Variants in CERS3 observed in about 807,000 individuals in gnomAD.
CERS3 encodes ceramide synthase 3, also known as LAG1 homolog, ceramide synthase 3.
A neutral mutation model predicts 50.3 loss-of-function variants in CERS3; 33 were observed. The observed-to-expected ratio is 0.66, with a 90% CI of 0.50 to 0.88. The LOEUF (loss-of-function observed/expected upper bound fraction) is 0.88, where lower values mean the gene tolerates loss of function less well. Among genes scored for constraint, CERS3 ranks in the 40% least tolerant of loss-of-function variants. CERS3 has a pLI of 0.00. For synonymous variants in CERS3, 176 were observed against 155.2 expected (o/e 1.13, Z -0.99); for missense variants, 470 against 460.3 (o/e 1.02, Z -0.19).
rs575317933 is a variant in CERS3 at position 100,492,958 on chromosome 15, T to TA, written c.174-2028dup. ...AATATCAAATTAATTTCAATAGGGT[T>TA]AAAAAACTCCATTCCCCGTCCCCTT... On this transcript the variant is annotated intron_variant, in intron 3 of 11. Transcript: ENST00000679737. Among the ~76,000 whole-genome samples the TA allele has an allele frequency of 2.1e-3, 326 of 152,306 alleles. 1 individual carries two copies. The highest frequency in any genetic ancestry group is 3.7e-3 in the Non-Finnish European group (255 of 68,010).
chr15:100,415,791 G>A (rs926262552), intron 11 of CERS3, among the ~76,000 whole-genome samples: 4 of 103,568 alleles, frequency 3.9e-5, no homozygotes, highest in African/African-American at 1.4e-4. Flanking sequence ...GGCCTGTCGG[G>A]GGGCAGGGAG....
At chr15:100,460,988 A>G (rs2034530953) in intron 10 of CERS3, among the ~76,000 whole-genome samples, 2 of 152,190 alleles carry the variant, frequency 1.3e-5, no homozygotes. Flanking sequence ...AGTGTGGCTT[A>G]AAGGAGAGGA....
intron 5 of CERS3, among the ~76,000 whole-genome samples, chr15:100,483,787 A>ATTATTATTATTTTTTTT (rs760594142): frequency 8.0e-4 from 80 of 100,018 alleles, no homozygotes; most frequent in African/African-American, 1.8e-3. Context: ...TATTATTATT[A>ATTATTATTATTTTTTTT]TTTTTTTTTT....
intron 2 of CERS3, among the ~76,000 whole-genome samples, chr15:100,503,157 T>C (rs72759163): frequency 0.052 from 7,988 of 152,274 alleles, 292 homozygotes; most frequent in Admixed American, 0.11. Flanking sequence ...TGTCCTCAGA[T>C]TCACAACAAG....
At chr15:100,446,667 G>A (rs911593585) in intron 11 of CERS3, among the ~76,000 whole-genome samples, 5 of 152,148 alleles carry the variant, frequency 3.3e-5, no homozygotes, top group Non-Finnish European at 5.9e-5. Context: ...ACACCTAAAT[G>A]TGAGCCAGCT....
At chr15:100,464,151 T>A (rs755997348) in intron 10 of CERS3, among the ~76,000 whole-genome samples, 26 of 152,098 alleles carry the variant, frequency 1.7e-4, no homozygotes, top group Non-Finnish European at 2.6e-4. Context: ...AGTGAACCAG[T>A]GGTGAGGGAG....
Position 100,495,397 on chromosome 15 carries a change from G to GA in CERS3, c.174-4467dup, listed in dbSNP as rs568906763. Among the ~76,000 whole-genome samples, 203 of 152,214 alleles carry GA rather than the reference G, an allele frequency of 1.3e-3. 2 individuals carry two copies. The highest frequency in any genetic ancestry group is 4.8e-3 in the African/African-American group (198 of 41,530). ...AAGCCTTTGGCTGATTCTCAATTCTGAAAAAAACTGACTGTGACAATTTTT... is the reference window on the plus strand; with the variant it reads ...AAGCCTTTGGCTGATTCTCAATTCTGAAAAAAAACTGACTGTGACAATTTTT... On this transcript the variant is annotated intron_variant, in intron 3 of 11. Transcript: ENST00000679737.
At chr15:100,406,340 TACA>T (rs1567586680) in intron 11 of CERS3, among the ~76,000 whole-genome samples, 1 of 152,208 alleles carries the variant, frequency 6.6e-6, no homozygotes, top group Non-Finnish European at 1.5e-5. Flanking sequence ...TCCATAACTG[TACA>T]ACTTCTTTTT....
chr15:100,525,869 C>T (rs975468217), intron 1 of CERS3, among the ~76,000 whole-genome samples: 4 of 152,190 alleles, frequency 2.6e-5, no homozygotes, highest in Non-Finnish European at 2.9e-5. Flanking sequence ...TTCTTTCATA[C>T]TGCCAACTGT....
intron 10 of CERS3, among the ~76,000 whole-genome samples, chr15:100,467,870 G>GATAGATAGATAGATAT (rs2034830868): frequency 2.4e-5 from 1 of 41,016 alleles, no homozygotes; most frequent in Non-Finnish European, 7.1e-5. Flanking sequence ...TAGATAGATA[G>GATAGATAGATAGATAT]ATAGATAGAT....
chr15:100,407,487 C>T (rs2031137863), intron 11 of CERS3, among the ~76,000 whole-genome samples: 2 of 152,228 alleles, frequency 1.3e-5, no homozygotes, highest in South Asian at 4.1e-4. Flanking sequence ...AGGTGAAAAC[C>T]CTGTCTGTAA....
chr15:100,470,477 G>T (rs1402352502), intron 9 of CERS3, among the ~76,000 whole-genome samples: 1 of 152,168 alleles, frequency 6.6e-6, no homozygotes, highest in Non-Finnish European at 1.5e-5. Context: ...GGTGTGCCTG[G>T]TGGGTGGGAG....
At position 100,524,422 on chromosome 15, in the gene CERS3, T is replaced by C. The variant is rs75430122; in HGVS notation, c.-91-2666A>G. Among the ~76,000 whole-genome samples, 1,301 of 152,288 alleles carry C rather than the reference T, an allele frequency of 8.5e-3. 24 individuals are homozygous for C. The highest frequency in any genetic ancestry group is 0.029 in the African/African-American group (1,223 of 41,570). Reference sequence around the variant, plus strand: ...GTCATCATCTAGAAAAGCTCTGAAGTTTTACTCTTACACAATTAGTTATAG... The same window carrying C: ...GTCATCATCTAGAAAAGCTCTGAAGCTTTACTCTTACACAATTAGTTATAG... On this transcript the variant is annotated intron_variant, in intron 1 of 11. Coordinates refer to ENST00000679737, the MANE Select transcript of CERS3 (RefSeq NM_001378789.1).
chr15:100,430,298 C>T (rs144651373), intron 11 of CERS3, among the ~76,000 whole-genome samples: 40,968 of 149,570 alleles, frequency 0.27, 5,768 homozygotes, highest in East Asian at 0.41. Flanking sequence ...GACGACAGAG[C>T]GAGACTCCGT....
At chr15:100,410,380 T>C (rs926345413) in intron 11 of CERS3, among the ~76,000 whole-genome samples, 1 of 152,188 alleles carries the variant, frequency 6.6e-6, no homozygotes, top group African/African-American at 2.4e-5. Context: ...TGGCTGTGGT[T>C]GAAATCACAG....
intron 2 of CERS3, among the ~76,000 whole-genome samples, chr15:100,514,851 C>T (rs1297379803): frequency 6.6e-6 from 1 of 152,054 alleles, no homozygotes; most frequent in African/African-American, 2.4e-5. Flanking sequence ...TTCTGGGTGG[C>T]TTAAACTTTT....
At chr15:100,469,152 C>A (rs1215254632) in intron 10 of CERS3, among the ~76,000 whole-genome samples, 3 of 152,238 alleles carry the variant, frequency 2.0e-5, no homozygotes, top group Admixed American at 2.0e-4. Context: ...GCTTGCCCGT[C>A]AGGTCACACA....
At chr15:100,447,208 G>C (rs2033978618) in intron 11 of CERS3, among the ~76,000 whole-genome samples, 1 of 152,150 alleles carries the variant, frequency 6.6e-6, no homozygotes, top group Non-Finnish European at 1.5e-5. Flanking sequence ...AGGCTCATCA[G>C]CATAATAAAA....
At position 100,414,819 on chromosome 15, in the gene CERS3, T is replaced by TAAAA. The variant is rs143114640; in HGVS notation, c.1000-11958_1000-11955dup. ...CCTTAAATGTAAAACCCAAAATGAT[T>TAAAA]AAAAAAAAAAAACCCTGGAAGAAAA... On this transcript the variant is annotated intron_variant, in intron 11 of 11. Transcript: ENST00000679737. Among the ~76,000 whole-genome samples, 419 of 141,206 alleles carry TAAAA rather than the reference T, an allele frequency of 3.0e-3. 4 individuals are homozygous for TAAAA. Among genetic ancestry groups the TAAAA allele is most frequent in the Middle Eastern group, 0.011 (3 of 270 alleles). 92.6% of individuals were successfully genotyped at this position (141,206 alleles called of 152,430 possible). A position where few individuals can be genotyped will look rare whatever the true frequency, so the allele number is the denominator to read the frequency against.
Sources: allele counts gnomAD v4.1 joint callset (sites outside exome capture counted in the v4.1 genomes callset), GRCh38; gene constraint gnomAD v4.1.1; transcripts MANE v1.5; gene names NCBI Gene and HGNC (gene_info 2026-07-23, HGNC 2026-07-21).